NRXN3: variants seen among roughly 807,000 people sequenced by gnomAD.
The protein encoded by NRXN3 is neurexin 3.
NRXN3 carries 32 observed loss-of-function variants against 137.6 expected under a neutral mutation model. The observed-to-expected ratio is 0.23, with a 90% CI of 0.18 to 0.31. The LOEUF is 0.31. NRXN3 is among the 10% of genes least tolerant of loss of function. NRXN3 has a pLI of 1.00. For synonymous variants in NRXN3, 798 were observed against 784.5 expected (o/e 1.02, Z -0.29); for missense variants, 1,574 against 2,062.5 (o/e 0.76, Z 4.59).
At chr14:79,539,122 C>T (rs778033669) in intron 16 of NRXN3, among the ~76,000 whole-genome samples, 14 of 152,080 alleles carry the variant, frequency 9.2e-5, no homozygotes, top group Non-Finnish European at 1.2e-4. Context: ...TGCAGTGGCA[C>T]GATCTTGGCT....
intron 8 of NRXN3, among the ~76,000 whole-genome samples, chr14:78,718,102 TAAC>T (rs1460650097): frequency 2.6e-5 from 4 of 152,186 alleles, no homozygotes; most frequent in Admixed American, 1.3e-4. Flanking sequence ...CCATTCACCA[TAAC>T]AACATCAACA....
chr14:78,599,229 G>A (rs1369242867), intron 4 of NRXN3, among the ~76,000 whole-genome samples: 1 of 152,212 alleles, frequency 6.6e-6, no homozygotes, highest in Non-Finnish European at 1.5e-5. Flanking sequence ...AAGGAAATGA[G>A]GGGAAATAGC....
chr14:79,308,356 T>A (rs2086499241), intron 15 of NRXN3, among the ~76,000 whole-genome samples: 1 of 152,148 alleles, frequency 6.6e-6, no homozygotes, highest in South Asian at 2.1e-4. Context: ...CAGCCAACTT[T>A]AAGAGTTAAC....
chr14:79,225,673 A>G (rs973108847), intron 15 of NRXN3, among the ~76,000 whole-genome samples: 1 of 152,210 alleles, frequency 6.6e-6, no homozygotes, highest in Non-Finnish European at 1.5e-5. Context: ...AATCTAAAAT[A>G]AAAGTTGAAA....
intron 15 of NRXN3, among the ~76,000 whole-genome samples, chr14:79,127,585 AG>A (rs1475670520): frequency 6.6e-6 from 1 of 152,170 alleles, no homozygotes; most frequent in Non-Finnish European, 1.5e-5. Flanking sequence ...TTAGGCTTGT[AG>A]TATAGTTTGA....
chr14:78,353,365 A>G (rs1433902176), intron 4 of NRXN3, among the ~76,000 whole-genome samples: 1 of 152,192 alleles, frequency 6.6e-6, no homozygotes, highest in Non-Finnish European at 1.5e-5. Flanking sequence ...TGGAAAGTCC[A>G]AGATCAAGGC....
intron 15 of NRXN3, among the ~76,000 whole-genome samples, chr14:79,092,081 G>T (rs1346552184): frequency 6.6e-6 from 1 of 152,144 alleles, no homozygotes; most frequent in Non-Finnish European, 1.5e-5. Context: ...TCTTAAGGTT[G>T]TTTATAATAG....
At chr14:79,379,633 T>C (rs2094408106) in intron 15 of NRXN3, among the ~76,000 whole-genome samples, 1 of 152,134 alleles carries the variant, frequency 6.6e-6, no homozygotes, top group East Asian at 1.9e-4. Context: ...GCTTCTATCT[T>C]TGTAAATGCC....
At chr14:79,123,588 C>G (rs1274832151) in intron 15 of NRXN3, among the ~76,000 whole-genome samples, 1 of 152,108 alleles carries the variant, frequency 6.6e-6, no homozygotes, top group Non-Finnish European at 1.5e-5. Context: ...AAGAAACTGT[C>G]CCCTCTCAAG....
chr14:78,742,711 A>T (rs7161313), intron 8 of NRXN3, among the ~76,000 whole-genome samples: 1 of 152,128 alleles, frequency 6.6e-6, no homozygotes, highest in Non-Finnish European at 1.5e-5. Context: ...ATGAAAGCCT[A>T]TTTTAACTAT....
In NRXN3 at chr14:79,205,279, T is replaced by A. The variant is rs146013926; in HGVS notation, c.3262+217138T>A. Among the ~76,000 whole-genome samples, 134 of 152,336 alleles carry A rather than the reference T, an allele frequency of 8.8e-4. 1 individual carries two copies. In the East Asian group the frequency reaches 9.1e-3, roughly 10 times the overall value. Reference sequence around the variant, plus strand: ...TTTGTGATATTTCATTCAATCCATTTAACAGTTAGTTGTATTTTTCAATTC... The same window carrying A: ...TTTGTGATATTTCATTCAATCCATTAAACAGTTAGTTGTATTTTTCAATTC... On this transcript the variant is annotated intron_variant, in intron 15 of 20. Coordinates refer to ENST00000335750, the MANE Select transcript of NRXN3 (RefSeq NM_001330195.2).
intron 19 of NRXN3, among the ~76,000 whole-genome samples, chr14:79,708,297 C>T (rs1361050444): frequency 6.6e-6 from 1 of 152,042 alleles, no homozygotes; most frequent in East Asian, 1.9e-4. Context: ...ATTTAAAATG[C>T]ACAGGAAGAT....
At chr14:78,612,989 A>G (rs112497968) in intron 4 of NRXN3, among the ~76,000 whole-genome samples, 2,180 of 152,280 alleles carry the variant, frequency 0.014, 68 homozygotes, top group African/African-American at 0.05. Flanking sequence ...GTGTCATATC[A>G]CATAATCATG....
Position 79,867,838 on chromosome 14 carries a change from A to C in NRXN3, c.*5874A>C, listed in dbSNP as rs2099418637. On this transcript the variant is annotated 3_prime_UTR_variant, in exon 21 of 21. Transcript: ENST00000335750. ...GGATCACGTGAGTAGGGCCCAGGAT[A>C]GAAGAGCAGTGTTAGGGTTGCATGA... 6.6e-6 allele frequency: 1 copy of C among 152,250 alleles called. No homozygotes were observed. The highest frequency in any genetic ancestry group is 2.4e-5 in the African/African-American group (1 of 41,434). The allele number at this position is 152,250 out of a possible 1,614,324, so 9.4% of individuals were successfully genotyped here. A position where few individuals can be genotyped will look rare whatever the true frequency, so the allele number is the denominator to read the frequency against.
rs199718075 is a variant in NRXN3 at position 79,753,290 on chromosome 14, A to G, written c.4015-51822A>G. Among the ~76,000 whole-genome samples, 3 of 152,032 alleles carry G rather than the reference A, an allele frequency of 2.0e-5. No homozygotes were observed. The East Asian group carries it at 5.8e-4, about 30-fold the overall frequency. ...GCACACGTATGTTTATTGCGGCACT[A>G]TTCACAATAGCAAAGACTTGGAACT... On this transcript the variant is annotated intron_variant, in intron 19 of 20. Transcript: ENST00000335750.
At chr14:79,611,499 C>T (rs1567659503) in intron 16 of NRXN3, 1 of 152,292 alleles carries the variant, frequency 6.6e-6, no homozygotes, top group East Asian at 1.9e-4. Flanking sequence ...ACCTGGGAGA[C>T]TGAGGCAGGA....
At chr14:78,219,912 T>A (rs1371665797) in intron 1 of NRXN3, among the ~76,000 whole-genome samples, 2 of 151,946 alleles carry the variant, frequency 1.3e-5, no homozygotes, top group African/African-American at 4.8e-5. Flanking sequence ...ACTGAGTTAC[T>A]GAGGTGGATG....
intron 16 of NRXN3, among the ~76,000 whole-genome samples, chr14:79,631,621 G>C (rs896386051): frequency 7.9e-5 from 12 of 152,382 alleles, no homozygotes; most frequent in Non-Finnish European, 1.3e-4. Flanking sequence ...AAAGTCGCCA[G>C]TGAGTGCCAC....
intron 20 of NRXN3, among the ~76,000 whole-genome samples, chr14:79,814,020 A>G (rs779281087): frequency 2.6e-5 from 4 of 152,228 alleles, no homozygotes; most frequent in Non-Finnish European, 5.9e-5. Flanking sequence ...TCAACTAACC[A>G]TGGCCTCCAT....
Sources: allele counts gnomAD v4.1 joint callset (sites outside exome capture counted in the v4.1 genomes callset), GRCh38; gene constraint gnomAD v4.1.1; transcripts MANE v1.5; gene names NCBI Gene and HGNC (gene_info 2026-07-23, HGNC 2026-07-21).